The following STPG2 variants were observed in gnomAD, a reference collection of about 807,000 sequenced individuals.
The protein encoded by STPG2 is sperm tail PG-rich repeat containing 2.
A neutral mutation model predicts 54.2 loss-of-function variants in STPG2; 56 were observed. The ratio of observed to expected loss-of-function variants is 1.03; its 90% CI spans 0.83 to 1.29. The LOEUF (loss-of-function observed/expected upper bound fraction) is 1.29. Among genes scored for constraint, STPG2 ranks in the 50% most tolerant of loss-of-function variants. The probability of loss-of-function intolerance (pLI) is 0.00; values close to 1 mark genes in which losing one functional copy is unlikely to be tolerated. For synonymous variants in STPG2, 200 were observed against 181.8 expected, an observed-to-expected ratio of 1.10 and a Z score of -0.81; for missense variants, 596 against 544.9, an observed-to-expected ratio of 1.09 and a Z score of -0.93.
chr4:97,658,054 GA>G (rs1403312985), intron 10 of STPG2, among the ~76,000 whole-genome samples: 1 of 152,164 alleles, frequency 6.6e-6, no homozygotes, highest in African/African-American at 2.4e-5. Flanking sequence ...CCAATATGGA[GA>G]ATTCTATGAT....
chr4:98,080,853 A>G (rs1184730783), intron 5 of STPG2, among the ~76,000 whole-genome samples: 2 of 152,158 alleles, frequency 1.3e-5, no homozygotes, highest in Non-Finnish European at 2.9e-5. Context: ...ACTTCTTATT[A>G]TGTTTACCAA....
chr4:97,477,418 C>A (rs1477352335), intron 4 of STPG2, among the ~76,000 whole-genome samples: 1 of 151,352 alleles, frequency 6.6e-6, no homozygotes, highest in East Asian at 1.9e-4. Context: ...AATTTTATAT[C>A]ATTGTAATCT....
intron 5 of STPG2, among the ~76,000 whole-genome samples, chr4:98,053,300 G>A (rs1344304177): frequency 6.6e-6 from 1 of 152,044 alleles, no homozygotes; most frequent in Non-Finnish European, 1.5e-5. Context: ...ATTTTTATGA[G>A]AACTTAATGT....
intron 4 of STPG2, among the ~76,000 whole-genome samples, chr4:97,484,320 C>T (rs1283693115): frequency 6.6e-6 from 1 of 151,412 alleles, no homozygotes; most frequent in Non-Finnish European, 1.5e-5. Flanking sequence ...AGATCATTAG[C>T]AAGATTAATG....
intron 9 of STPG2, among the ~76,000 whole-genome samples, chr4:97,776,849 G>A (rs1378219200): frequency 1.3e-5 from 2 of 152,076 alleles, no homozygotes; most frequent in Non-Finnish European, 2.9e-5. Flanking sequence ...CTGTTTTTCA[G>A]TATAGTGGGA....
At chr4:97,492,639 T>TA (rs1405731496) in intron 4 of STPG2, among the ~76,000 whole-genome samples, 3 of 133,408 alleles carry the variant, frequency 2.2e-5, no homozygotes, top group South Asian at 4.3e-4. Context: ...CATTCAATGA[T>TA]AAAAACTTTT....
chr4:98,080,180 A>C (rs912409227), intron 5 of STPG2, among the ~76,000 whole-genome samples: 4 of 152,190 alleles, frequency 2.6e-5, no homozygotes, highest in Admixed American at 2.0e-4. Context: ...ATTACGTAAA[A>C]ATTGTTTAAT....
intron 10 of STPG2, among the ~76,000 whole-genome samples, chr4:97,599,854 GA>G (rs1186663681): frequency 7.0e-6 from 1 of 143,550 alleles, no homozygotes; most frequent in Non-Finnish European, 1.5e-5. Flanking sequence ...AAAAGAAAAG[GA>G]AAAAAAAGAA....
At chr4:97,959,791 C>T (rs1263142581) in intron 7 of STPG2, among the ~76,000 whole-genome samples, 1 of 151,994 alleles carries the variant, frequency 6.6e-6, no homozygotes, top group Non-Finnish European at 1.5e-5. Context: ...GGTACCAATC[C>T]TTTTGACACT....
chr4:97,984,031 C>T (rs1409018037), intron 5 of STPG2, among the ~76,000 whole-genome samples: 2 of 151,292 alleles, frequency 1.3e-5, no homozygotes, highest in Non-Finnish European at 2.9e-5. Flanking sequence ...CAATGAAAAC[C>T]ATACCTCAGA....
chr4:97,629,596 A>C (rs1275668700), intron 10 of STPG2, among the ~76,000 whole-genome samples: 1 of 152,066 alleles, frequency 6.6e-6, no homozygotes, highest in Non-Finnish European at 1.5e-5. Context: ...CAATACAGTG[A>C]ATTCATGAAC....
At chr4:97,829,182 C>G (rs116647280) in intron 9 of STPG2, among the ~76,000 whole-genome samples, 1 of 152,068 alleles carries the variant, frequency 6.6e-6, no homozygotes. Flanking sequence ...AAGGAACAGG[C>G]GGCAATATCT....
chr4:97,642,802 A>T (rs1437305725), intron 10 of STPG2, among the ~76,000 whole-genome samples: 3 of 151,554 alleles, frequency 2.0e-5, no homozygotes, highest in African/African-American at 7.2e-5. Context: ...AACTTTTCTT[A>T]CACGTTTATA....
intron 5 of STPG2, among the ~76,000 whole-genome samples, chr4:98,065,301 A>G (rs1449351445): frequency 3.3e-5 from 5 of 152,214 alleles, no homozygotes; most frequent in Non-Finnish European, 5.9e-5. Context: ...AGGATTATCT[A>G]GAAAAGCTAA....
chr4:98,123,102 T>A (rs1739727967), intron 3 of STPG2, among the ~76,000 whole-genome samples: 1 of 152,148 alleles, frequency 6.6e-6, no homozygotes, highest in Admixed American at 6.5e-5. Context: ...TCTTTGTTAT[T>A]CTAGTTATCA....
At chr4:97,645,196 C>A (rs1347187254) in intron 10 of STPG2, among the ~76,000 whole-genome samples, 2 of 151,096 alleles carry the variant, frequency 1.3e-5, no homozygotes, top group Non-Finnish European at 2.9e-5. Context: ...CTGAGCATGG[C>A]CAATTGTTTT....
At chr4:97,542,641 A>G (rs1047473447) in intron 4 of STPG2, among the ~76,000 whole-genome samples, 3 of 152,180 alleles carry the variant, frequency 2.0e-5, no homozygotes, top group African/African-American at 7.2e-5. Context: ...AAGCAATATA[A>G]ATCATGTTGC....
intron 7 of STPG2, among the ~76,000 whole-genome samples, chr4:97,969,867 A>T (rs1734258824): frequency 6.6e-6 from 1 of 152,230 alleles, no homozygotes; most frequent in Admixed American, 6.5e-5. Flanking sequence ...GGAGGAAGTC[A>T]AATTGCCCCT....
chr4:98,025,870 C>G, intron 5 of STPG2: 1 of 1,598,394 alleles, frequency 6.3e-7, no homozygotes, highest in Non-Finnish European at 8.5e-7. Context: ...TTTTTGGCAC[C>G]CTGAAGGGAG....
Sources: allele counts gnomAD v4.1 joint callset (sites outside exome capture counted in the v4.1 genomes callset), GRCh38; gene constraint gnomAD v4.1.1; transcripts MANE v1.5; gene names NCBI Gene and HGNC (gene_info 2026-07-23, HGNC 2026-07-21).